BMP3: variants seen among roughly 807,000 people sequenced by gnomAD.
BMP3 encodes the protein bone morphogenetic protein 3 (osteogenic).
Under a neutral mutation model 38.1 loss-of-function variants are expected in BMP3, and 23 were observed. The observed-to-expected ratio is 0.60, with a 90% CI of 0.43 to 0.86. The LOEUF (loss-of-function observed/expected upper bound fraction) is 0.86. Ranked by LOEUF, BMP3 falls within the 40% of genes least tolerant of loss-of-function variation. The pLI is 0.00. For missense variants in BMP3, 628 were observed against 579.6 expected, an observed-to-expected ratio of 1.08 and a Z score of -0.86; for synonymous variants, 258 against 225.7, an observed-to-expected ratio of 1.14 and a Z score of -1.28.
Position 81,046,128 on chromosome 4 carries a change from C to T in BMP3, c.707C>T (p.Pro236Leu). 6.2e-7 allele frequency: 1 copy of T among 1,614,118 alleles called. No individual in the cohort carries two copies. The highest frequency in any genetic ancestry group is 8.5e-7 in the Non-Finnish European group (1 of 1,180,034). ...CTGCCAAAGAGGAGGTTACCTTTTC[C>T]AGAGCCTTATATCTTGGTATATGCC... ...RQLPKRRLPFPEPYILVYAND... is the reference protein window; with the variant it reads ...RQLPKRRLPFLEPYILVYAND... The change falls in exon 2 of 3, where the codon CCA becomes CTA. Residue 236 changes from proline to leucine, a missense_variant. Coordinates refer to ENST00000282701, the MANE Select transcript of BMP3 (RefSeq NM_001201.5).
At chr4:81,052,144 C>A (rs1425646343) in intron 2 of BMP3, among the ~76,000 whole-genome samples, 1 of 151,762 alleles carries the variant, frequency 6.6e-6, no homozygotes, top group Non-Finnish European at 1.5e-5. Flanking sequence ...TCCACTGGGG[C>A]GGGGTTCCTC....
rs1740236298 is a variant in BMP3 at position 81,046,206 on chromosome 4, A to T, written c.785A>T (p.His262Leu). The T allele has an allele frequency of 6.2e-7, 1 of 1,614,084 alleles. No homozygotes were observed. The highest frequency in any genetic ancestry group is 8.5e-7 in the Non-Finnish European group (1 of 1,180,030). ...PESVVSSLQG[H>L]RNFPTGTVPK... ...AGTGTGGTATCAAGCTTACAGGGAC[A>T]CCGGAATTTTCCCACTGGAACTGTT... is the stretch of plus-strand genomic sequence containing the variant. The change falls in exon 2 of 3, where the codon CAC (histidine) becomes CTC (leucine). Residue 262 changes from histidine (H) to leucine (L), a missense_variant. By Grantham distance (99) the His-to-Leu change is moderately conservative (BLOSUM62 -3). Coordinates refer to ENST00000282701, the MANE Select transcript of BMP3 (RefSeq NM_001201.5).
Position 81,053,441 on chromosome 4 carries a change from A to T in BMP3, c.1324A>T (p.Met442Leu), listed in dbSNP as rs201235501. Residue 442 changes from methionine (M) to leucine (L), a missense_variant, in exon 3 of 3, where the codon ATG becomes TTG. Physicochemically the swap from Met to Leu is conservative, Grantham distance 15. Transcript: ENST00000282701. ...IPEPCCVPEK[M>L]SSLSILFFDE... ...TGAGCCTTGCTGTGTACCAGAAAAG[A>T]TGTCCTCACTCAGTATTTTATTCTT... is the stretch of plus-strand genomic sequence containing the variant. 1.6e-5 allele frequency: 25 copies of T among 1,611,502 alleles called. No individual in the cohort carries two copies. The highest frequency in any genetic ancestry group is 1.8e-5 in the Non-Finnish European group (21 of 1,178,668).
At chr4:81,033,707 C>G (rs1010666605) in intron 1 of BMP3, among the ~76,000 whole-genome samples, 1 of 152,124 alleles carries the variant, frequency 6.6e-6, no homozygotes, top group African/African-American at 2.4e-5. Context: ...AGTTCTGGCT[C>G]TAATAAGGCA....
At chr4:81,038,098 T>C (rs1739970357) in intron 1 of BMP3, among the ~76,000 whole-genome samples, 1 of 152,190 alleles carries the variant, frequency 6.6e-6, no homozygotes, top group Non-Finnish European at 1.5e-5. Context: ...TATCATGTTA[T>C]TCCTGATCTC....
intron 1 of BMP3, among the ~76,000 whole-genome samples, chr4:81,038,550 G>T (rs1739981326): frequency 6.6e-6 from 1 of 151,988 alleles, no homozygotes; most frequent in Admixed American, 6.6e-5. Flanking sequence ...TTTCTTATGG[G>T]GCATTTTACC....
chr4:81,049,643 C>G (rs1018923894), intron 2 of BMP3, among the ~76,000 whole-genome samples: 1 of 152,152 alleles, frequency 6.6e-6, no homozygotes, highest in Admixed American at 6.6e-5. Flanking sequence ...AAGCCTTCCA[C>G]GCCTTGTGTC....
At chr4:81,032,210 A>AAAC (rs1553913124) in intron 1 of BMP3, among the ~76,000 whole-genome samples, 1 of 150,700 alleles carries the variant, frequency 6.6e-6, no homozygotes, top group Non-Finnish European at 1.5e-5. Flanking sequence ...AAAAAAAAAA[A>AAAC]AAAAAAAAAA....
At chr4:81,033,563 T>C (rs1380478407) in intron 1 of BMP3, among the ~76,000 whole-genome samples, 1 of 152,222 alleles carries the variant, frequency 6.6e-6, no homozygotes, top group East Asian at 1.9e-4. Flanking sequence ...GACTTATTCA[T>C]CAAATGTAGA....
intron 1 of BMP3, among the ~76,000 whole-genome samples, chr4:81,032,802 A>G (rs1739814725): frequency 6.6e-6 from 1 of 152,246 alleles, no homozygotes; most frequent in African/African-American, 2.4e-5. Flanking sequence ...TGACATTTAC[A>G]ATAGATGTGA....
chr4:81,032,210 A>AAAAC (rs1553913125), intron 1 of BMP3, among the ~76,000 whole-genome samples: 3 of 150,700 alleles, frequency 2.0e-5, no homozygotes, highest in Non-Finnish European at 3.0e-5. Flanking sequence ...AAAAAAAAAA[A>AAAAC]AAAAAAAAAA....
chr4:81,034,754 G>A (rs1341464287), intron 1 of BMP3, among the ~76,000 whole-genome samples: 1 of 152,088 alleles, frequency 6.6e-6, no homozygotes. Flanking sequence ...TGAGGAAGAG[G>A]AGATTCTTTC....
intron 1 of BMP3, among the ~76,000 whole-genome samples, chr4:81,038,703 A>G (rs1444637984): frequency 2.6e-5 from 4 of 152,190 alleles, no homozygotes; most frequent in African/African-American, 4.8e-5. Flanking sequence ...AAATTACTTG[A>G]AAGTTTTTAT....
chr4:81,049,679 G>A (rs1740357570), intron 2 of BMP3, among the ~76,000 whole-genome samples: 1 of 152,148 alleles, frequency 6.6e-6, no homozygotes, highest in Non-Finnish European at 1.5e-5. Context: ...TGACCAAAAA[G>A]ATGGGAAACA....
At chr4:81,036,809 C>T (rs542130284) in intron 1 of BMP3, among the ~76,000 whole-genome samples, 2 of 152,082 alleles carry the variant, frequency 1.3e-5, no homozygotes, top group East Asian at 3.9e-4. Context: ...AGTTTATCTA[C>T]ATGTTAGCAG....
chr4:81,043,646 A>G (rs943777753), intron 1 of BMP3, among the ~76,000 whole-genome samples: 1 of 140,224 alleles, frequency 7.1e-6, no homozygotes, highest in African/African-American at 2.7e-5. Flanking sequence ...GGTGTGCAGT[A>G]GTGTCATCTC....
At position 81,054,531 on chromosome 4, in the gene BMP3, A is replaced by G. The variant is rs1346320861; in HGVS notation, c.*995A>G. 1 of 152,174 alleles carries G rather than the reference A, an allele frequency of 6.6e-6. No individual in the cohort carries two copies. The highest frequency in any genetic ancestry group is 2.4e-5 in the African/African-American group (1 of 41,440). The allele number at this position is 152,174 out of a possible 1,614,324, so 9.4% of individuals were successfully genotyped here. A position where few individuals can be genotyped will look rare whatever the true frequency, so the allele number is the denominator to read the frequency against. ...GATGTTGAGGCCCAAAAACTGGTAG[A>G]ATATTGAAGATCTTCTTAAATGACC... On this transcript the variant is annotated 3_prime_UTR_variant, in exon 3 of 3. Transcript: ENST00000282701.
Position 81,046,150 on chromosome 4 carries a change from T to C in BMP3, c.729T>C (p.Tyr243=). 4 of 1,614,114 alleles carry C rather than the reference T, an allele frequency of 2.5e-6. No individual in the cohort carries two copies. Among genetic ancestry groups the C allele is most frequent in the Non-Finnish European group, 3.4e-6 (4 of 1,180,040 alleles). ...TTCCAGAGCCTTATATCTTGGTATA[T>C]GCCAATGATGCCGCCATTTCTGAGC... The part of the protein sequence containing the change: ...LPFPEPYILV[Y]ANDAAISEPE... Residue 243 remains tyrosine (Y), a synonymous_variant, in exon 2 of 3, where the codon TAT becomes TAC. Transcript: ENST00000282701.
chr4:81,036,739 T>C (rs999590233), intron 1 of BMP3, among the ~76,000 whole-genome samples: 2 of 152,004 alleles, frequency 1.3e-5, no homozygotes, highest in Non-Finnish European at 2.9e-5. Flanking sequence ...TAGTGAAAGA[T>C]GAAATGTAAC....
Sources: allele counts gnomAD v4.1 joint callset (sites outside exome capture counted in the v4.1 genomes callset), GRCh38; gene constraint gnomAD v4.1.1; transcripts MANE v1.5; gene names NCBI Gene and HGNC (gene_info 2026-07-23, HGNC 2026-07-21).